The following NCKAP5 variants were observed in gnomAD, a reference collection of about 807,000 sequenced individuals.
NCKAP5 encodes nck-associated protein 5.
NCKAP5 carries 92 observed loss-of-function variants against 167.0 expected under a neutral mutation model. The observed-to-expected ratio is 0.55, with a 90% CI of 0.47 to 0.66. NCKAP5 has a LOEUF of 0.66. Among genes scored for constraint, NCKAP5 ranks in the 30% least tolerant of loss-of-function variants. The pLI is 0.00. For missense variants in NCKAP5, 2,378 were observed against 2,315.0 expected, an observed-to-expected ratio of 1.03 and a Z score of -0.56; for synonymous variants, 891 against 877.4, an observed-to-expected ratio of 1.02 and a Z score of -0.27.
At chr2:132,865,308 G>A (rs369901481) in intron 10 of NCKAP5, among the ~76,000 whole-genome samples, 18 of 152,088 alleles carry the variant, frequency 1.2e-4, no homozygotes, top group East Asian at 3.9e-4. Context: ...AAAAGCCTTC[G>A]GATTAAACCA....
Position 132,941,076 on chromosome 2 carries a change from G to C in NCKAP5, c.579+22644C>G, listed in dbSNP as rs142031433. 2.0e-5 allele frequency among the ~76,000 whole-genome samples: 3 copies of C among 152,310 alleles called. No individual in the cohort carries two copies. In the East Asian group the frequency reaches 5.8e-4, roughly 29 times the overall value. ...GATTTGGAAACTAGAGACAGTGAGTGAAAGTTGGCCAAGTCCCCACAACTG... is the reference window on the plus strand; with the variant it reads ...GATTTGGAAACTAGAGACAGTGAGTCAAAGTTGGCCAAGTCCCCACAACTG... On this transcript the variant is annotated intron_variant, in intron 8 of 19. Transcript: ENST00000409261.
At chr2:132,793,707 T>G (rs1252666611) in intron 12 of NCKAP5, among the ~76,000 whole-genome samples, 2 of 152,176 alleles carry the variant, frequency 1.3e-5, no homozygotes, top group Non-Finnish European at 2.9e-5. Flanking sequence ...TGAGCCTGCC[T>G]GCCAGCAGGC....
chr2:133,047,906 C>T (rs1313566639), intron 6 of NCKAP5, among the ~76,000 whole-genome samples: 1 of 152,142 alleles, frequency 6.6e-6, no homozygotes, highest in Non-Finnish European at 1.5e-5. Context: ...TAAAATGAAG[C>T]CCCACATTCA....
At chr2:133,062,371 A>G (rs376109914) in intron 6 of NCKAP5, among the ~76,000 whole-genome samples, 3 of 152,230 alleles carry the variant, frequency 2.0e-5, no homozygotes, top group African/African-American at 7.2e-5. Context: ...ACATATGGTG[A>G]GTCATTTAAG....
the NCKAP5 span, among the ~76,000 whole-genome samples, chr2:133,609,036 G>A: frequency 6.6e-6 from 1 of 152,158 alleles, no homozygotes. Context: ...TCCACAATTA[G>A]TTTGAATGTA....
intron 5 of NCKAP5, among the ~76,000 whole-genome samples, chr2:133,212,050 G>T (rs1046847056): frequency 6.6e-6 from 1 of 152,122 alleles, no homozygotes; most frequent in Admixed American, 6.5e-5. Context: ...TTCATATCAC[G>T]AAAACTTCAC....
intron 6 of NCKAP5, among the ~76,000 whole-genome samples, chr2:133,102,589 C>A (rs143437750): frequency 6.6e-6 from 1 of 152,130 alleles, no homozygotes; most frequent in Non-Finnish European, 1.5e-5. Context: ...AAGATCATTC[C>A]GCTCTCTCTT....
At chr2:133,332,867 A>G (rs1682955885) in intron 3 of NCKAP5, among the ~76,000 whole-genome samples, 2 of 152,232 alleles carry the variant, frequency 1.3e-5, no homozygotes, top group Non-Finnish European at 2.9e-5. Context: ...TCAATACCCA[A>G]TGCAGGGTTA....
At chr2:133,284,072 C>A (rs992644468) in intron 4 of NCKAP5, among the ~76,000 whole-genome samples, 4 of 151,896 alleles carry the variant, frequency 2.6e-5, no homozygotes, top group Middle Eastern at 3.4e-3. Context: ...ATCAAGAAAA[C>A]AACAAAAATG....
intron 5 of NCKAP5, among the ~76,000 whole-genome samples, chr2:133,192,272 C>A (rs902899226): frequency 1.3e-5 from 2 of 152,078 alleles, no homozygotes; most frequent in African/African-American, 2.4e-5. Context: ...AAGTCTTATA[C>A]CAAATGTATC....
At chr2:132,948,530 C>A (rs2076065037) in intron 8 of NCKAP5, among the ~76,000 whole-genome samples, 1 of 152,100 alleles carries the variant, frequency 6.6e-6, no homozygotes, top group African/African-American at 2.4e-5. Context: ...CAGAAATCGG[C>A]CATTCAGAGC....
chr2:133,019,978 T>A (rs1049654647), intron 6 of NCKAP5, among the ~76,000 whole-genome samples: 1 of 152,248 alleles, frequency 6.6e-6, no homozygotes, highest in Non-Finnish European at 1.5e-5. Context: ...TCACCAGCCA[T>A]GTGGCACTGG....
At chr2:132,863,816 A>G (rs1690128026) in intron 10 of NCKAP5, among the ~76,000 whole-genome samples, 1 of 152,232 alleles carries the variant, frequency 6.6e-6, no homozygotes, top group African/African-American at 2.4e-5. Context: ...GATGCCAGAG[A>G]GTTGCCTTCC....
At chr2:132,685,182 C>T (rs113891211) in intron 19 of NCKAP5, among the ~76,000 whole-genome samples, 3 of 152,266 alleles carry the variant, frequency 2.0e-5, no homozygotes, top group African/African-American at 7.2e-5. Flanking sequence ...CCAGAAATCC[C>T]ATGATTATTT....
intron 11 of NCKAP5, among the ~76,000 whole-genome samples, chr2:132,803,398 C>T (rs891177477): frequency 8.5e-5 from 13 of 152,240 alleles, no homozygotes; most frequent in Admixed American, 6.5e-4. Flanking sequence ...TGGCAAATGA[C>T]ATGGCTCTGT....
intron 3 of NCKAP5, among the ~76,000 whole-genome samples, chr2:133,422,142 C>T (rs190680945): frequency 2.0e-5 from 3 of 152,282 alleles, no homozygotes; most frequent in African/African-American, 7.2e-5. Context: ...CAAACAAAGC[C>T]AGAGAATTCC....
At chr2:133,656,078 C>T in the NCKAP5 span, among the ~76,000 whole-genome samples, 1 of 152,172 alleles carries the variant, frequency 6.6e-6, no homozygotes, top group Non-Finnish European at 1.5e-5. Flanking sequence ...TCTCCCTGTT[C>T]AAACACACAA....
chr2:132,822,178 G>T (rs1686795774), intron 11 of NCKAP5, among the ~76,000 whole-genome samples: 1 of 152,144 alleles, frequency 6.6e-6, no homozygotes, highest in South Asian at 2.1e-4. Context: ...TCCACTGCCT[G>T]CAACACCTTG....
intron 8 of NCKAP5, among the ~76,000 whole-genome samples, chr2:132,890,170 A>T (rs1430111214): frequency 6.6e-6 from 1 of 152,210 alleles, no homozygotes; most frequent in Non-Finnish European, 1.5e-5. Flanking sequence ...CCCCATAGGT[A>T]AGAAAAGGTG....
Sources: allele counts gnomAD v4.1 joint callset (sites outside exome capture counted in the v4.1 genomes callset), GRCh38; gene constraint gnomAD v4.1.1; transcripts MANE v1.5; gene names NCBI Gene and HGNC (gene_info 2026-07-23, HGNC 2026-07-21).